The following FSIP1 variants were observed in gnomAD, a reference collection of about 807,000 sequenced individuals.
The protein encoded by FSIP1 is fibrous sheath-interacting protein 1.
A neutral mutation model predicts 60.9 loss-of-function variants in FSIP1; 65 were observed. That is an observed-to-expected ratio of 1.07 (90% confidence interval 0.87 to 1.31). The LOEUF is 1.31. Ranked by LOEUF, FSIP1 falls within the 40% of genes most tolerant of loss-of-function variation. The pLI, the probability that FSIP1 is intolerant of heterozygous loss-of-function variation, is 0.00. For synonymous variants in FSIP1, 209 were observed against 221.2 expected, an observed-to-expected ratio of 0.94 and a Z score of 0.49; for missense variants, 675 against 665.5, an observed-to-expected ratio of 1.01 and a Z score of -0.16.
rs369730954 is a variant in FSIP1 at position 39,628,672 on chromosome 15, T to C, written c.1189-10427A>G. Among the ~76,000 whole-genome samples, 10 of 152,282 alleles carry C rather than the reference T, an allele frequency of 6.6e-5. No individual in the cohort carries two copies. In the East Asian group the frequency reaches 1.4e-3, roughly 21 times the overall value. ...TTGCAAACTCTCTCTCTGAAAGCAA[T>C]AGAAAGCCCCAGAGGGAGAGGAAAT... is the stretch of plus-strand genomic sequence containing the variant. On this transcript the variant is annotated intron_variant, in intron 10 of 11. Transcript: ENST00000350221.
At chr15:39,755,521 T>C (rs1187227344) in intron 5 of FSIP1, among the ~76,000 whole-genome samples, 3 of 152,076 alleles carry the variant, frequency 2.0e-5, no homozygotes, top group Non-Finnish European at 4.4e-5. Flanking sequence ...ATGCAAGAGA[T>C]TGCTAAACAA....
At position 39,672,983 on chromosome 15, in the gene FSIP1, G is replaced by T. The variant is rs548339124; in HGVS notation, c.1188+40461C>A. On this transcript the variant is annotated intron_variant, in intron 10 of 11. Transcript: ENST00000350221. ...TTCTACAGAACATTCCGCACAAAGT[G>T]TCAATCTAAAATGAGGGCCATTAAT... Among the ~76,000 whole-genome samples, 6 of 152,236 alleles carry T rather than the reference G, an allele frequency of 3.9e-5. No individual in the cohort carries two copies. In the South Asian group the frequency reaches 1.2e-3, roughly 32 times the overall value.
At chr15:39,605,841 A>C (rs1299186677) in intron 11 of FSIP1, among the ~76,000 whole-genome samples, 1 of 152,262 alleles carries the variant, frequency 6.6e-6, no homozygotes, top group Non-Finnish European at 1.5e-5. Flanking sequence ...TTTGATCCTC[A>C]TTACAACCCT....
intron 10 of FSIP1, among the ~76,000 whole-genome samples, chr15:39,663,862 G>A (rs58332880): frequency 0.089 from 13,584 of 152,012 alleles, 746 homozygotes; most frequent in East Asian, 0.21. Flanking sequence ...CTACTTCATC[G>A]GCAAGAAAAG....
chr15:39,609,124 C>A (rs1890932292), intron 11 of FSIP1, among the ~76,000 whole-genome samples: 1 of 152,208 alleles, frequency 6.6e-6, no homozygotes, highest in Non-Finnish European at 1.5e-5. Context: ...GCTAGACCAC[C>A]TAGGATCAGC....
intron 9 of FSIP1, among the ~76,000 whole-genome samples, chr15:39,719,779 A>G (rs894461914): frequency 1.3e-5 from 2 of 152,240 alleles, no homozygotes; most frequent in African/African-American, 4.8e-5. Context: ...GAATAATGCC[A>G]TAAAATGAAG....
Position 39,731,298 on chromosome 15 carries a change from TA to T in FSIP1, c.892-4552del, listed in dbSNP as rs940661683. Among the ~76,000 whole-genome samples, 20 of 151,034 alleles carry T rather than the reference TA, an allele frequency of 1.3e-4. No homozygotes were observed. The East Asian group carries it at 1.7e-3, about 13-fold the overall frequency. ...CCCTTGAAAATAAACATGGACAGCT[TA>T]AAAAAAAAGAAAGTTATGCATAATT... On this transcript the variant is annotated intron_variant, in intron 8 of 11. Transcript: ENST00000350221.
rs371125274 is a variant in FSIP1 at position 39,604,204 on chromosome 15, T to G, written c.1700-3278A>C. 2.0e-5 allele frequency among the ~76,000 whole-genome samples: 3 copies of G among 152,240 alleles called. No individual in the cohort carries two copies. In the South Asian group the frequency reaches 6.2e-4, roughly 31 times the overall value. ...CCTGGGCCTCCCAAAGTGCTGGGAT[T>G]ACAGGCGTGAGCCACAGTGCCCGGC... is the stretch of plus-strand genomic sequence containing the variant. On this transcript the variant is annotated intron_variant, in intron 11 of 11. Transcript: ENST00000350221.
chr15:39,712,737 G>A (rs1483832081), intron 10 of FSIP1, among the ~76,000 whole-genome samples: 1 of 152,164 alleles, frequency 6.6e-6, no homozygotes, highest in Non-Finnish European at 1.5e-5. Flanking sequence ...ATTCTAAGAG[G>A]TTCAGAGCAT....
chr15:39,726,734 C>G lies in FSIP1; in HGVS notation c.905G>C (p.Gly302Ala), dbSNP rs768252231. Residue 302 changes from glycine (G) to alanine (A), a missense_variant, in exon 9 of 12, where the codon GGC becomes GCC. Physicochemically the swap from Gly to Ala is moderately conservative, Grantham distance 60 (BLOSUM62 0). Coordinates refer to ENST00000350221, the MANE Select transcript of FSIP1 (RefSeq NM_152597.5). ...ATATCCTTTTACTGGGACCACCCAGCCAGACTGATCACCCTAAGAGGAAAC... is the reference window on the plus strand; with the variant it reads ...ATATCCTTTTACTGGGACCACCCAGGCAGACTGATCACCCTAAGAGGAAAC... ...GLSSSEGDQS[G>A]WVVPVKGYEL... 6.2e-7 allele frequency: 1 copy of G among 1,613,802 alleles called. No individual in the cohort carries two copies. Among genetic ancestry groups the G allele is most frequent in the Non-Finnish European group, 8.5e-7 (1 of 1,179,940 alleles).
chr15:39,761,854 C>T (rs1897510802), intron 5 of FSIP1, among the ~76,000 whole-genome samples: 2 of 152,136 alleles, frequency 1.3e-5, no homozygotes, highest in Non-Finnish European at 2.9e-5. Flanking sequence ...TGTCAATTTA[C>T]AATAAAAATT....
intron 3 of FSIP1, among the ~76,000 whole-genome samples, chr15:39,766,847 T>C (rs936239761): frequency 2.0e-5 from 3 of 152,168 alleles, no homozygotes; most frequent in Admixed American, 2.0e-4. Context: ...TTCTTCTTCT[T>C]CTTTTTTTAA....
At chr15:39,687,218 G>C (rs1894418252) in intron 10 of FSIP1, among the ~76,000 whole-genome samples, 1 of 130,412 alleles carries the variant, frequency 7.7e-6, no homozygotes, top group Admixed American at 9.1e-5. Flanking sequence ...GCAATAGCGT[G>C]ATCTTGGCTC....
chr15:39,659,358 T>C (rs1026129956), intron 10 of FSIP1, among the ~76,000 whole-genome samples: 9 of 151,956 alleles, frequency 5.9e-5, no homozygotes, highest in Admixed American at 5.2e-4. Context: ...CTGGCTAACA[T>C]GGTGAAACCC....
chr15:39,632,751 C>T (rs149411905), intron 10 of FSIP1, among the ~76,000 whole-genome samples: 1 of 152,100 alleles, frequency 6.6e-6, no homozygotes, highest in Non-Finnish European at 1.5e-5. Flanking sequence ...CGAGATCGGC[C>T]ACTGCACTCC....
chr15:39,620,108 C>T (rs1464379356), intron 10 of FSIP1, among the ~76,000 whole-genome samples: 1 of 152,064 alleles, frequency 6.6e-6, no homozygotes, highest in East Asian at 1.9e-4. Context: ...GTGACATATA[C>T]ACAGAAAATT....
At chr15:39,751,201 C>T (rs527856317) in intron 5 of FSIP1, among the ~76,000 whole-genome samples, 80 of 151,782 alleles carry the variant, frequency 5.3e-4, no homozygotes, top group African/African-American at 1.9e-3. Context: ...ATTATGGAAA[C>T]CAATATGAAG....
intron 10 of FSIP1, among the ~76,000 whole-genome samples, chr15:39,645,795 G>A (rs73393242): frequency 0.013 from 1,946 of 152,322 alleles, 41 homozygotes; most frequent in African/African-American, 0.044. Flanking sequence ...GCCTCTCTCC[G>A]CTCCCAGTCC....
chr15:39,780,593 C>A lies in FSIP1; in HGVS notation c.-8+2035G>T, dbSNP rs1294147363. On this transcript the variant is annotated intron_variant, in intron 1 of 11. Transcript: ENST00000350221. ...TATAGATATACGTCATGCTTTCAAA[C>A]AACAGCATAATATCCCATAGATGCA... is the stretch of plus-strand genomic sequence containing the variant. Among the ~76,000 whole-genome samples the A allele has an allele frequency of 2.6e-5, 4 of 152,194 alleles. No homozygotes were observed. The East Asian group carries it at 7.7e-4, about 29-fold the overall frequency.
Sources: allele counts gnomAD v4.1 joint callset (sites outside exome capture counted in the v4.1 genomes callset), GRCh38; gene constraint gnomAD v4.1.1; transcripts MANE v1.5; gene names NCBI Gene and HGNC (gene_info 2026-07-23, HGNC 2026-07-21).